INPP5D: variants seen among roughly 807,000 people sequenced by gnomAD.
INPP5D encodes the protein phosphatidylinositol 3,4,5-trisphosphate 5-phosphatase 1.
INPP5D carries 33 observed loss-of-function variants against 122.9 expected under a neutral mutation model. That is an observed-to-expected ratio of 0.27 (90% CI 0.20 to 0.36). The LOEUF is 0.36. Among genes scored for constraint, INPP5D ranks in the 10% least tolerant of loss-of-function variants. The pLI, the probability that INPP5D is intolerant of heterozygous loss-of-function variation, is 1.00. For missense variants in INPP5D, 1,053 were observed against 1,412.7 expected (o/e 0.75, Z 4.08); for synonymous variants, 584 against 576.2 (o/e 1.01, Z -0.19).
chr2:233,171,709 T>C (rs1315328883), intron 17 of INPP5D, among the ~76,000 whole-genome samples: 1 of 152,238 alleles, frequency 6.6e-6, no homozygotes, highest in Non-Finnish European at 1.5e-5. Context: ...TGGCCTATTA[T>C]GGGTTAGGCA....
Position 233,177,608 on chromosome 2 carries a change from C to T in INPP5D, c.2071+262C>T, listed in dbSNP as rs925668558. Among the ~76,000 whole-genome samples, 1 of 152,332 alleles carries T rather than the reference C, an allele frequency of 6.6e-6. No individual in the cohort carries two copies. The highest frequency in any genetic ancestry group is 1.5e-5 in the Non-Finnish European group (1 of 68,032). On this transcript the variant is annotated intron_variant, in intron 18 of 26. Coordinates refer to ENST00000445964, the MANE Select transcript of INPP5D (RefSeq NM_001017915.3). The surrounding 1 kb of genome is among the most constrained non-coding windows in gnomAD (Gnocchi z 4.2). ...TTTCTTTTTGAGACGGAGTCTCACTCTGTCACCCAGGCTGGAGTACAATGG... is the reference window on the plus strand; with the variant it reads ...TTTCTTTTTGAGACGGAGTCTCACTTTGTCACCCAGGCTGGAGTACAATGG...
chr2:233,100,219 C>T lies in INPP5D; in HGVS notation c.198+20821C>T, dbSNP rs1338835821. ...CCTCGCCCTGTCGCCTCACTCGCAGCCTGTTCCACTCATTTACATCACCCG... is the reference window on the plus strand; with the variant it reads ...CCTCGCCCTGTCGCCTCACTCGCAGTCTGTTCCACTCATTTACATCACCCG... On this transcript the variant is annotated intron_variant, in intron 2 of 26. Coordinates refer to ENST00000445964, the MANE Select transcript of INPP5D (RefSeq NM_001017915.3). This position sits in a 1 kb window ranked among gnomAD's most constrained non-coding sequence, Gnocchi z 5.3. Among the ~76,000 whole-genome samples, 7 of 152,186 alleles carry T rather than the reference C, an allele frequency of 4.6e-5. No individual in the cohort carries two copies. The highest frequency in any genetic ancestry group is 1.0e-4 in the Non-Finnish European group (7 of 68,038).
chr2:233,064,537 C>T (rs1350718915), intron 1 of INPP5D, among the ~76,000 whole-genome samples: 1 of 152,244 alleles, frequency 6.6e-6, no homozygotes, highest in Non-Finnish European at 1.5e-5. Flanking sequence ...CTTATATTGA[C>T]TCATTTGATG....
intron 1 of INPP5D, among the ~76,000 whole-genome samples, chr2:233,066,968 A>C (rs1691246819): frequency 6.6e-6 from 1 of 152,074 alleles, no homozygotes; most frequent in South Asian, 2.1e-4. Context: ...AGTAGAGACG[A>C]GGTTTCACCA....
At chr2:233,109,243 G>C (rs555308072) in intron 2 of INPP5D, among the ~76,000 whole-genome samples, 20 of 152,280 alleles carry the variant, frequency 1.3e-4, no homozygotes, top group Middle Eastern at 3.4e-3. Flanking sequence ...CTGCTGAAGA[G>C]AATGCAGCCC....
intron 2 of INPP5D, among the ~76,000 whole-genome samples, chr2:233,114,108 CTG>C (rs1170042027): frequency 2.0e-5 from 3 of 152,264 alleles, no homozygotes; most frequent in African/African-American, 7.2e-5. Context: ...TGGGGTTTCA[CTG>C]TGTTAGCCAG....
rs373685670 is a variant in INPP5D, at chr2:233,195,514, G to C, written c.2693+19G>C. 6.2e-7 allele frequency: 1 copy of C among 1,612,864 alleles called. No individual in the cohort carries two copies. The highest frequency in any genetic ancestry group is 1.3e-5 in the African/African-American group (1 of 74,902). On this transcript the variant is annotated intron_variant, in intron 24 of 26. Transcript: ENST00000445964. ...CTAGCAGGTAAAGTGGGCGTGGGGT[G>C]GGTGTTGGGGGGGGTGGATATCAGG...
intron 18 of INPP5D, among the ~76,000 whole-genome samples, chr2:233,178,289 G>A (rs1484339354): frequency 6.6e-6 from 1 of 151,946 alleles, no homozygotes; most frequent in Non-Finnish European, 1.5e-5. Flanking sequence ...AGAAATGACT[G>A]TTAACTCTTG....
At chr2:233,123,906 A>C (rs1031083280) in intron 3 of INPP5D, among the ~76,000 whole-genome samples, 3 of 152,188 alleles carry the variant, frequency 2.0e-5, no homozygotes, top group African/African-American at 7.2e-5. Context: ...TAAGTGGGAG[A>C]TAAATGATGA....
intron 8 of INPP5D, 106 bp downstream of exon 8, chr2:233,146,544 G>T: frequency 1.4e-6 from 1 of 692,430 alleles, no homozygotes; most frequent in Non-Finnish European, 2.6e-6. Context: ...AGCTGGGGAA[G>T]AGCAGGGAGC....
intron 1 of INPP5D, among the ~76,000 whole-genome samples, chr2:233,061,997 C>T (rs895351511): frequency 5.9e-5 from 9 of 152,254 alleles, no homozygotes; most frequent in Non-Finnish European, 1.3e-4. Flanking sequence ...GACTGGTTTC[C>T]TGTGTCCCCT....
intron 23 of INPP5D, 93 bp downstream of exon 23, chr2:233,194,054 C>T (rs1364231235): frequency 7.0e-7 from 1 of 1,436,960 alleles, no homozygotes; most frequent in East Asian, 2.6e-5. Context: ...AATATGCTCT[C>T]TGCTGCGGCC....
intron 2 of INPP5D, among the ~76,000 whole-genome samples, chr2:233,087,493 A>T (rs1025122924): frequency 6.5e-4 from 98 of 151,826 alleles, no homozygotes; most frequent in African/African-American, 2.2e-3. Context: ...CACCCAGCTA[A>T]TTTTTGTGTT....
chr2:233,122,104 CAG>C lies in INPP5D; in HGVS notation c.199-2_199-1del, dbSNP rs760016689. ...TGCGTTTGTTTGGATGTTCTGTCCT[CAG>C]GCATCCGAAGGCGTCTCCATGAGGT... On this transcript the variant is annotated splice_acceptor_variant, in intron 2 of 26. Coordinates refer to ENST00000445964, the MANE Select transcript of INPP5D (RefSeq NM_001017915.3). LOFTEE classifies it high-confidence loss of function. 1 of 1,613,882 alleles carries C rather than the reference CAG, an allele frequency of 6.2e-7. No individual in the cohort carries two copies. Among genetic ancestry groups the C allele is most frequent in the Non-Finnish European group, 8.5e-7 (1 of 1,179,816 alleles).
In INPP5D at chr2:233,128,126, A is replaced by C. The variant is rs1693215597; in HGVS notation, c.524+2207A>C. ...CCTGTCAGATCAGCGGTGGCATTAG[A>C]TTCTCATGAGTGTGAACCCGGTTGT... On this transcript the variant is annotated intron_variant, in intron 4 of 26. Coordinates refer to ENST00000445964, the MANE Select transcript of INPP5D (RefSeq NM_001017915.3). The surrounding 1 kb of genome is among the most constrained non-coding windows in gnomAD (Gnocchi z 4.5). Among the ~76,000 whole-genome samples, 1 of 152,078 alleles carries C rather than the reference A, an allele frequency of 6.6e-6. No individual in the cohort carries two copies. Among genetic ancestry groups the C allele is most frequent in the African/African-American group, 2.4e-5 (1 of 41,394 alleles).
chr2:233,173,075 G>A (rs543895578), intron 17 of INPP5D, among the ~76,000 whole-genome samples: 3 of 152,252 alleles, frequency 2.0e-5, no homozygotes, highest in Admixed American at 2.0e-4. Context: ...CATGCATGGC[G>A]GTACACGCCT....
chr2:233,125,629 G>C, intron 3 of INPP5D, 116 bp from the exon 4 acceptor site: 1 of 888,520 alleles, frequency 1.1e-6, no homozygotes, highest in Middle Eastern at 2.5e-4. Flanking sequence ...GGGACACGGG[G>C]ACGCAGATGG....
chr2:233,146,215 A>G lies in INPP5D; in HGVS notation c.807A>G (p.Thr269=). The G allele has an allele frequency of 2.8e-6, 2 of 704,248 alleles. No homozygotes were observed. Among genetic ancestry groups the G allele is most frequent in the Non-Finnish European group, 5.2e-6 (2 of 384,996 alleles). 43.6% of individuals were successfully genotyped at this position (704,248 alleles called of 1,614,324 possible). Residue 269 remains threonine, a synonymous_variant, in exon 7 of 27, where the codon ACA becomes ACG. Coordinates refer to ENST00000445964, the MANE Select transcript of INPP5D (RefSeq NM_001017915.3). ...INMVSKLSQL[T]SLLSSIEDKV... is the part of the protein sequence containing the mutation. ...TGGTGTCCAAGCTCAGCCAACTGAC[A>G]AGCCTGTTGTCGTCCATTGAAGACA...
chr2:233,206,058 G>A lies in INPP5D; in HGVS notation c.3568-648G>A, dbSNP rs1452066890. Reference sequence around the variant, plus strand: ...CGCAACACTGCACTCCAGCCTGGGCGACAGAGTGAGACTCCATCTCAAAAA... The same window carrying A: ...CGCAACACTGCACTCCAGCCTGGGCAACAGAGTGAGACTCCATCTCAAAAA... On this transcript the variant is annotated intron_variant, in intron 26 of 26. Coordinates refer to ENST00000445964, the MANE Select transcript of INPP5D (RefSeq NM_001017915.3). The surrounding 1 kb of genome is among the most constrained non-coding windows in gnomAD (Gnocchi z 4.0). Among the ~76,000 whole-genome samples the A allele has an allele frequency of 2.6e-5, 4 of 151,878 alleles. No individual in the cohort carries two copies. Among genetic ancestry groups the A allele is most frequent in the Admixed American group, 1.3e-4 (2 of 15,258 alleles).
Sources: gnomAD v4.1 joint callset for allele counts (sites outside exome capture counted in the v4.1 genomes callset) on GRCh38, gnomAD v4.1.1 for gene constraint, Gnocchi (gnomAD v3.1) non-coding constraint, MANE v1.5 for transcripts, NCBI Gene and HGNC (gene_info 2026-07-23, HGNC 2026-07-21) for gene names.